The following SNX8 variants were observed in gnomAD, a reference collection of about 807,000 sequenced individuals.
The protein encoded by SNX8 is sorting nexin-8.
In SNX8, 25 loss-of-function variants were observed where a neutral mutation model predicts 51.6. That is an observed-to-expected ratio of 0.48 (90% CI 0.35 to 0.68). The LOEUF (loss-of-function observed/expected upper bound fraction) is 0.68. Ranked by LOEUF, SNX8 falls within the 30% of genes least tolerant of loss-of-function variation. The pLI is 0.00. For synonymous variants in SNX8, 324 were observed against 277.0 expected (o/e 1.17, Z -1.68); for missense variants, 695 against 624.0 (o/e 1.11, Z -1.21).
At chr7:2,297,432 C>A (rs1214645762) in intron 1 of SNX8, among the ~76,000 whole-genome samples, 1 of 150,978 alleles carries the variant, frequency 6.6e-6, no homozygotes, top group East Asian at 1.9e-4. Flanking sequence ...TGCCTATAAT[C>A]CCAGCTATTT....
chr7:2,265,616 G>A (rs1325858139), intron 5 of SNX8, among the ~76,000 whole-genome samples: 1 of 152,174 alleles, frequency 6.6e-6, no homozygotes, highest in Non-Finnish European at 1.5e-5. Flanking sequence ...CTGCACTCCA[G>A]CCTGGGGACC....
intron 1 of SNX8, among the ~76,000 whole-genome samples, chr7:2,295,358 C>T (rs745322349): frequency 4.9e-5 from 7 of 144,122 alleles, no homozygotes; most frequent in South Asian, 2.2e-4. Context: ...GAGCCGAGTT[C>T]GTGCCATTGC....
chr7:2,331,380 T>C (rs1778732252), intron 1 of SNX8, among the ~76,000 whole-genome samples: 2 of 151,444 alleles, frequency 1.3e-5, no homozygotes, highest in Non-Finnish European at 1.5e-5. Context: ...CGATGTACTA[T>C]TGGAAAATAA....
At chr7:2,348,485 C>T (rs987923063) in intron 1 of SNX8, among the ~76,000 whole-genome samples, 2 of 151,772 alleles carry the variant, frequency 1.3e-5, no homozygotes, top group Admixed American at 6.6e-5. Flanking sequence ...GGACTACAGG[C>T]GCCCGCCACC....
intron 1 of SNX8, among the ~76,000 whole-genome samples, chr7:2,290,707 G>A (rs1216601322): frequency 1.3e-5 from 2 of 152,124 alleles, no homozygotes; most frequent in Non-Finnish European, 2.9e-5. Context: ...GATGGGGACC[G>A]CGCCTCAGTC....
intron 1 of SNX8, 106 bp downstream of exon 1, chr7:2,314,222 C>G (rs1032056806): frequency 1.8e-6 from 2 of 1,139,662 alleles, no homozygotes; most frequent in Non-Finnish European, 2.2e-6. Flanking sequence ...GGCGCGGGGG[C>G]AGGAAACGAG....
chr7:2,261,678 A>G (rs1795340012), intron 7 of SNX8, among the ~76,000 whole-genome samples: 1 of 152,234 alleles, frequency 6.6e-6, no homozygotes. Flanking sequence ...GAAGAGACTC[A>G]GCCCCAATCT....
intron 1 of SNX8, among the ~76,000 whole-genome samples, chr7:2,290,631 G>A (rs1469615197): frequency 2.0e-5 from 3 of 152,172 alleles, no homozygotes; most frequent in African/African-American, 7.2e-5. Flanking sequence ...TTAATTTGGG[G>A]CCAGGAGGGT....
rs189552148 is a variant in SNX8, at chr7:2,279,861, C to T, written c.95-1556G>A. 5.9e-5 allele frequency among the ~76,000 whole-genome samples: 9 copies of T among 151,872 alleles called. No homozygotes were observed. The East Asian group carries it at 1.7e-3, about 29-fold the overall frequency. Reference sequence around the variant, plus strand: ...TGTGACTACATCAAATCAGTCTTAACCTTGGGGAAGGAAAACAAAGTGAAA... The same window carrying T: ...TGTGACTACATCAAATCAGTCTTAATCTTGGGGAAGGAAAACAAAGTGAAA... On this transcript the variant is annotated intron_variant, in intron 1 of 10. Coordinates refer to ENST00000222990, the MANE Select transcript of SNX8 (RefSeq NM_013321.4).
intron 7 of SNX8, among the ~76,000 whole-genome samples, chr7:2,261,722 A>C (rs1345973292): frequency 1.3e-5 from 2 of 152,204 alleles, no homozygotes; most frequent in Non-Finnish European, 2.9e-5. Context: ...TCCGTTTCTA[A>C]AGGGAACACA....
chr7:2,284,530 G>C (rs571553797), intron 1 of SNX8, among the ~76,000 whole-genome samples: 2 of 147,938 alleles, frequency 1.4e-5, no homozygotes, highest in African/African-American at 5.0e-5. Context: ...GCCTCCTACT[G>C]AGTAGCAGGG....
At chr7:2,308,850 G>T (rs929082597) in intron 1 of SNX8, among the ~76,000 whole-genome samples, 1 of 144,456 alleles carries the variant, frequency 6.9e-6, no homozygotes, top group Non-Finnish European at 1.5e-5. Context: ...GCACCATCTC[G>T]GCTCACTACA....
At chr7:2,337,573 C>T (rs147392822) in intron 1 of SNX8, among the ~76,000 whole-genome samples, 11 of 152,130 alleles carry the variant, frequency 7.2e-5, no homozygotes, top group Non-Finnish European at 1.5e-4. Flanking sequence ...AATAAAATTA[C>T]AGACTATTTG....
At chr7:2,329,701 G>GT (rs1173101919) in intron 1 of SNX8, among the ~76,000 whole-genome samples, 3 of 152,180 alleles carry the variant, frequency 2.0e-5, no homozygotes, top group African/African-American at 7.2e-5. Flanking sequence ...AGAGGACTGG[G>GT]TGGTGGAGCT....
intron 1 of SNX8, among the ~76,000 whole-genome samples, chr7:2,326,954 T>C (rs1482246840): frequency 6.6e-6 from 1 of 152,064 alleles, no homozygotes. Flanking sequence ...AAAGATAATA[T>C]AAAAATTATT....
At chr7:2,298,852 T>C (rs1216775443) in intron 1 of SNX8, among the ~76,000 whole-genome samples, 4 of 149,890 alleles carry the variant, frequency 2.7e-5, no homozygotes, top group African/African-American at 1.0e-4. Flanking sequence ...CTACCACGCC[T>C]AGCTAATTTT....
intron 1 of SNX8, among the ~76,000 whole-genome samples, chr7:2,339,868 T>C (rs1488212798): frequency 1.3e-5 from 2 of 152,106 alleles, no homozygotes; most frequent in African/African-American, 2.4e-5. Flanking sequence ...AACGGAACCA[T>C]GTATTTTCTG....
At chr7:2,353,697 C>G (rs1312431733) in intron 1 of SNX8, among the ~76,000 whole-genome samples, 1 of 152,096 alleles carries the variant, frequency 6.6e-6, no homozygotes, top group Non-Finnish European at 1.5e-5. Flanking sequence ...ATTGAAGGTC[C>G]GTCCCCGATA....
At chr7:2,273,354 G>A (rs1202874164) in intron 3 of SNX8, among the ~76,000 whole-genome samples, 1 of 151,666 alleles carries the variant, frequency 6.6e-6, no homozygotes, top group Non-Finnish European at 1.5e-5. Context: ...GGAGGCTGAG[G>A]CAGGTGGATC....
Sources: allele counts gnomAD v4.1 joint callset (sites outside exome capture counted in the v4.1 genomes callset), GRCh38; gene constraint gnomAD v4.1.1; transcripts MANE v1.5; gene names NCBI Gene and HGNC (gene_info 2026-07-23, HGNC 2026-07-21).